The following CD48 variants were observed in gnomAD, a reference collection of about 807,000 sequenced individuals.
CD48 encodes the protein CD48 antigen.
Under a neutral mutation model 22.0 loss-of-function variants are expected in CD48, and 20 were observed. That is an observed-to-expected ratio of 0.91 (90% CI 0.64 to 1.32). CD48 has a LOEUF of 1.32. Among genes scored for constraint, CD48 ranks in the 40% most tolerant of loss-of-function variants. The pLI, the probability that CD48 is intolerant of heterozygous loss-of-function variation, is 0.00. For synonymous variants in CD48, 110 were observed against 110.1 expected (o/e 1.00, Z 0.01); for missense variants, 307 against 286.5 (o/e 1.07, Z -0.52).
chr1:160,681,322 T>C lies in CD48; in HGVS notation c.532A>G (p.Asn178Asp). Residue 178 changes from asparagine (N) to aspartate (D), a missense_variant, in exon 3 of 4, where the codon AAC becomes GAC. Coordinates refer to ENST00000368046, the MANE Select transcript of CD48 (RefSeq NM_001778.4). ...ATAAGGGTGGTTTCAAGCACACTGT[T>C]CTGGAGCTCCTTTGGGAAGGGCCTT... Reference protein sequence around the residue: ...DKRPFPKELQNSVLETTLMPH... With the variant: ...DKRPFPKELQDSVLETTLMPH... 6.2e-7 allele frequency: 1 copy of C among 1,614,222 alleles called. No homozygotes were observed. Among genetic ancestry groups the C allele is most frequent in the East Asian group, 2.2e-5 (1 of 44,884 alleles).
Position 160,685,127 on chromosome 1 carries a change from G to A in CD48, c.145C>T (p.Leu49=), listed in dbSNP as rs780764455. ...GTTAGTTGTTTGTAGTTCTCAGGCA[G>A]GCTCTCAGAGATGTTCAGAGTCACG... ...SNVTLNISES[L]PENYKQLTWF... Residue 49 remains leucine, a synonymous_variant, in exon 2 of 4, where the codon CTG becomes TTG. Transcript: ENST00000368046. 10 of 1,613,786 alleles carry A rather than the reference G, an allele frequency of 6.2e-6. No individual in the cohort carries two copies. The highest frequency in any genetic ancestry group is 4.5e-5 in the East Asian group (2 of 44,890).
At chr1:160,708,141 G>A (rs1203011780) in intron 1 of CD48, among the ~76,000 whole-genome samples, 1 of 152,198 alleles carries the variant, frequency 6.6e-6, no homozygotes, top group African/African-American at 2.4e-5. Context: ...ACCAGGGAAA[G>A]ATGACGACTG....
chr1:160,681,654 T>G (rs767660541), intron 2 of CD48, among the ~76,000 whole-genome samples, 186 bp from the exon 3 acceptor site: 1 of 152,188 alleles, frequency 6.6e-6, no homozygotes, highest in Non-Finnish European at 1.5e-5. Context: ...ACAGACTCAC[T>G]GCAAGAGCGG....
At chr1:160,708,662 T>C (rs1662861721) in intron 1 of CD48, among the ~76,000 whole-genome samples, 1 of 152,072 alleles carries the variant, frequency 6.6e-6, no homozygotes, top group Non-Finnish European at 1.5e-5. Context: ...ACTAGACAAG[T>C]GGAGATGTCA....
chr1:160,707,360 T>G (rs1662825359), intron 1 of CD48, among the ~76,000 whole-genome samples: 1 of 151,786 alleles, frequency 6.6e-6, no homozygotes. Context: ...GGGAAAGACC[T>G]AAGCTATGGT....
intron 1 of CD48, among the ~76,000 whole-genome samples, chr1:160,710,157 C>T (rs1396577652): frequency 1.3e-5 from 2 of 152,152 alleles, no homozygotes; most frequent in African/African-American, 4.8e-5. Flanking sequence ...AAGATTCCCT[C>T]GCCTTAGTCT....
intron 1 of CD48, among the ~76,000 whole-genome samples, chr1:160,704,629 TTTAA>T (rs1214425917): frequency 6.6e-6 from 1 of 152,238 alleles, no homozygotes; most frequent in African/African-American, 2.4e-5. Flanking sequence ...CACGAAGGCA[TTTAA>T]TTAACTAAAA....
At chr1:160,684,660 T>G in intron 2 of CD48, 2 of 1,350,534 alleles carry the variant, frequency 1.5e-6, no homozygotes, top group East Asian at 5.0e-5. Flanking sequence ...AAGCTTAGAC[T>G]CACTAACTTC....
At chr1:160,698,089 A>G (rs1266078794) in intron 1 of CD48, among the ~76,000 whole-genome samples, 1 of 152,180 alleles carries the variant, frequency 6.6e-6, no homozygotes, top group Non-Finnish European at 1.5e-5. Flanking sequence ...ATCGTAAGCC[A>G]TTTTATACTA....
At chr1:160,687,590 G>A (rs576160381) in intron 1 of CD48, among the ~76,000 whole-genome samples, 8 of 152,244 alleles carry the variant, frequency 5.3e-5, no homozygotes, top group Non-Finnish European at 7.4e-5. Context: ...GGCTTCAGCC[G>A]GTCCCTCCAT....
chr1:160,710,136 T>C (rs983107727), intron 1 of CD48, among the ~76,000 whole-genome samples: 21 of 152,166 alleles, frequency 1.4e-4, no homozygotes, highest in African/African-American at 5.1e-4. Flanking sequence ...TTAGACACAT[T>C]GACCTTCACC....
chr1:160,681,409 A>G lies in CD48; in HGVS notation c.445T>C (p.Tyr149His), dbSNP rs1212396020. 8 of 1,613,994 alleles carry G rather than the reference A, an allele frequency of 5.0e-6. No individual in the cohort carries two copies. The highest frequency in any genetic ancestry group is 6.8e-6 in the Non-Finnish European group (8 of 1,179,962). ...GGTATCACACATGACAGTTTCAGAT[A>G]ACAGTTGTCATCCATGTCTTCTATC... ...EKIEDMDDNC[Y>H]LKLSCVIPGE... The change falls in exon 3 of 4, where the codon TAT (tyrosine) becomes CAT (histidine). Residue 149 changes from tyrosine (Y) to histidine (H), a missense_variant. By Grantham distance (83) the Tyr-to-His change is moderately conservative (BLOSUM62 2). Coordinates refer to ENST00000368046, the MANE Select transcript of CD48 (RefSeq NM_001778.4).
At chr1:160,688,824 C>G (rs1178733077) in intron 1 of CD48, among the ~76,000 whole-genome samples, 3 of 152,098 alleles carry the variant, frequency 2.0e-5, no homozygotes, top group Non-Finnish European at 4.4e-5. Flanking sequence ...TTCTCGTTCT[C>G]CTGATAAGAA....
chr1:160,705,340 A>T (rs1206292647), intron 1 of CD48, among the ~76,000 whole-genome samples: 1 of 152,172 alleles, frequency 6.6e-6, no homozygotes, highest in Non-Finnish European at 1.5e-5. Context: ...TTCAACCCTC[A>T]TACATGTATC....
At chr1:160,688,804 A>T (rs532669918) in intron 1 of CD48, among the ~76,000 whole-genome samples, 12 of 152,342 alleles carry the variant, frequency 7.9e-5, no homozygotes, top group Admixed American at 2.6e-4. Flanking sequence ...TATGCAAAGT[A>T]GAATGATGAT....
intron 1 of CD48, chr1:160,699,001 C>G (rs150269169): frequency 1.3e-5 from 2 of 152,952 alleles, no homozygotes; most frequent in South Asian, 4.1e-4. Context: ...ACATCGAGAA[C>G]GGGCCATGAT....
chr1:160,697,391 G>T (rs1433993450), intron 1 of CD48, among the ~76,000 whole-genome samples: 124 of 149,704 alleles, frequency 8.3e-4, no homozygotes, highest in African/African-American at 3.1e-3. Flanking sequence ...TAGTGTATGG[G>T]TACCTGGCCC....
At chr1:160,681,038 G>C in intron 3 of CD48, 164 bp downstream of exon 3, 1 of 1,484,976 alleles carries the variant, frequency 6.7e-7, no homozygotes. Flanking sequence ...CTGGGAGGTG[G>C]TGGTAGAGCT....
chr1:160,691,280 G>C (rs890388910), intron 1 of CD48, among the ~76,000 whole-genome samples: 1 of 152,110 alleles, frequency 6.6e-6, no homozygotes, highest in Non-Finnish European at 1.5e-5. Context: ...GAAGGCATCT[G>C]TTTCCCGCCC....
Sources: gnomAD v4.1 joint callset for allele counts (sites outside exome capture counted in the v4.1 genomes callset) on GRCh38, gnomAD v4.1.1 for gene constraint, MANE v1.5 for transcripts, NCBI Gene and HGNC (gene_info 2026-07-23, HGNC 2026-07-21) for gene names.